Variants in UGT2B7 observed in about 807,000 individuals in gnomAD.
UGT2B7 encodes UDP glucuronosyltransferase family 2 member B7.
Under a neutral mutation model 51.9 loss-of-function variants are expected in UGT2B7, and 51 were observed. The ratio of observed to expected loss-of-function variants is 0.98; its 90% CI spans 0.78 to 1.24. UGT2B7 has a LOEUF of 1.24. UGT2B7 is among the 50% of genes most tolerant of loss of function. The pLI is 0.00. For missense variants in UGT2B7, 727 were observed against 628.4 expected (o/e 1.16, Z -1.68); for synonymous variants, 225 against 211.6 (o/e 1.06, Z -0.55).
intron 1 of UGT2B7, among the ~76,000 whole-genome samples, chr4:69,062,833 C>A (rs1004423313): frequency 1.3e-5 from 2 of 152,100 alleles, no homozygotes; most frequent in East Asian, 3.9e-4. Context: ...TAAATGTGGC[C>A]AGAAATCTTA....
chr4:69,053,985 A>G (rs1446011810), intron 1 of UGT2B7, among the ~76,000 whole-genome samples: 1 of 152,206 alleles, frequency 6.6e-6, no homozygotes, highest in Non-Finnish European at 1.5e-5. Context: ...ATATCTATTT[A>G]GATGCAATTA....
intron 1 of UGT2B7, among the ~76,000 whole-genome samples, chr4:69,077,580 C>CTT (rs150317473): frequency 4.0e-5 from 6 of 150,204 alleles, no homozygotes; most frequent in African/African-American, 1.5e-4. Flanking sequence ...ATTTGGCTCT[C>CTT]TTTTTTTTTA....
At chr4:69,065,239 C>T (rs1718459951) in intron 1 of UGT2B7, among the ~76,000 whole-genome samples, 1 of 152,156 alleles carries the variant, frequency 6.6e-6, no homozygotes, top group South Asian at 2.1e-4. Context: ...AACTCACCCA[C>T]CCTCAGTCTA....
intron 1 of UGT2B7, among the ~76,000 whole-genome samples, chr4:69,083,973 C>A (rs1358293853): frequency 1.3e-5 from 2 of 152,054 alleles, no homozygotes; most frequent in South Asian, 2.1e-4. Flanking sequence ...AGAGACAAAG[C>A]TTTCCAACTT....
At position 69,097,099 on chromosome 4, in the gene UGT2B7, C is replaced by T. The variant is rs543596320; in HGVS notation, c.579C>T (p.Tyr193=). ...HSGGFIFPPS[Y]VPVVMSELTD... is the part of the protein sequence containing the mutation. ...GAGGATTTATTTTCCCTCCTTCCTA[C>T]GTACCTGTTGTTATGTCAGAATTAA... Residue 193 remains tyrosine, a synonymous_variant, in exon 1 of 6, where the codon TAC becomes TAT. Coordinates refer to ENST00000305231, the MANE Select transcript of UGT2B7 (RefSeq NM_001074.4). 7.4e-6 allele frequency: 12 copies of T among 1,613,686 alleles called. No individual in the cohort carries two copies. Among genetic ancestry groups the T allele is most frequent in the African/African-American group, 4.0e-5 (3 of 75,004 alleles).
intron 1 of UGT2B7, among the ~76,000 whole-genome samples, chr4:69,060,060 G>A (rs1434428764): frequency 6.6e-6 from 1 of 152,284 alleles, no homozygotes; most frequent in East Asian, 1.9e-4. Context: ...AGAGGCACAG[G>A]CCTCAGACCT....
intron 1 of UGT2B7, among the ~76,000 whole-genome samples, chr4:69,052,586 A>AG: frequency 8.3e-5 from 4 of 48,224 alleles, no homozygotes; most frequent in Admixed American, 5.8e-4. Context: ...AAAAAAAAAA[A>AG]AAAAAAGAAG....
chr4:69,088,369 A>C (rs1437643154), intron 1 of UGT2B7, among the ~76,000 whole-genome samples: 1 of 151,326 alleles, frequency 6.6e-6, no homozygotes. Flanking sequence ...CTCTCTATTC[A>C]TATGTGCTGT....
chr4:69,091,163 G>T (rs1341935127), intron 2 of UGT2B7, among the ~76,000 whole-genome samples: 1 of 152,122 alleles, frequency 6.6e-6, no homozygotes, highest in Non-Finnish European at 1.5e-5. Context: ...AAGTACTTGT[G>T]TTTTTTCTCT....
chr4:69,109,428 T>C (rs1458619560), intron 5 of UGT2B7, among the ~76,000 whole-genome samples: 1 of 152,142 alleles, frequency 6.6e-6, no homozygotes, highest in Non-Finnish European at 1.5e-5. Flanking sequence ...TACAGCCTTC[T>C]TAGTGGGTGT....
chr4:69,063,916 C>T (rs536514637), intron 1 of UGT2B7, among the ~76,000 whole-genome samples: 17 of 151,834 alleles, frequency 1.1e-4, no homozygotes, highest in Admixed American at 3.3e-4. Flanking sequence ...AGTATCAACC[C>T]GTACCAAACA....
chr4:69,102,643 T>C (rs1719455621), intron 2 of UGT2B7, among the ~76,000 whole-genome samples, 164 bp from the exon 3 acceptor site: 1 of 152,100 alleles, frequency 6.6e-6, no homozygotes, highest in Admixed American at 6.6e-5. Flanking sequence ...ATTATACATC[T>C]ACTTGCAAAA....
chr4:69,055,098 T>TAAAAAAAAAAAAAAAAAAAAAAAAAAAA (rs1178892377), intron 1 of UGT2B7, among the ~76,000 whole-genome samples: 5 of 22,564 alleles, frequency 2.2e-4, no homozygotes, highest in African/African-American at 8.0e-4. Flanking sequence ...AAGTAATAGC[T>TAAAAAAAAAAAAAAAAAAAAAAAAAAAA]AAAAAAAAAA....
intron 5 of UGT2B7, 137 bp from the exon 6 acceptor site, chr4:69,112,320 A>C (rs1254917320): frequency 8.0e-7 from 1 of 1,248,162 alleles, no homozygotes; most frequent in African/African-American, 1.5e-5. Flanking sequence ...TTGCTCACTC[A>C]GGGAGTTCAG....
Position 69,096,518 on chromosome 4 carries a change from AG to A in UGT2B7, c.-1del. 6.2e-7 allele frequency: 1 copy of A among 1,613,898 alleles called. No individual in the cohort carries two copies. The highest frequency in any genetic ancestry group is 8.5e-7 in the Non-Finnish European group (1 of 1,179,794). ...TGGAAAACAAGCATTGCATTGCACCAGGATGTCTGTGAAATGGACTTCAGTA... is the reference window on the plus strand; with the variant it reads ...TGGAAAACAAGCATTGCATTGCACCAGATGTCTGTGAAATGGACTTCAGTA... On this transcript the variant is annotated 5_prime_UTR_variant, in exon 1 of 6. Coordinates refer to ENST00000305231, the MANE Select transcript of UGT2B7 (RefSeq NM_001074.4).
upstream of UGT2B7, chr4:69,096,408 T>C: frequency 6.6e-7 from 1 of 1,526,524 alleles, no homozygotes; most frequent in Non-Finnish European, 8.8e-7. Context: ...TTGTATGTAC[T>C]TTGACTTATA....
At chr4:69,072,044 A>G (rs1432062926) in intron 1 of UGT2B7, among the ~76,000 whole-genome samples, 2 of 152,136 alleles carry the variant, frequency 1.3e-5, no homozygotes, top group Non-Finnish European at 2.9e-5. Context: ...ATGAGCTATC[A>G]AAGAATACTT....
intron 1 of UGT2B7, among the ~76,000 whole-genome samples, chr4:69,073,335 A>G (rs1718639803): frequency 6.6e-6 from 1 of 152,164 alleles, no homozygotes; most frequent in South Asian, 2.1e-4. Context: ...CTGATTAATC[A>G]CTTTTTGGAT....
intron 1 of UGT2B7, among the ~76,000 whole-genome samples, chr4:69,072,788 C>T (rs899136271): frequency 1.3e-5 from 2 of 152,014 alleles, no homozygotes; most frequent in African/African-American, 2.4e-5. Flanking sequence ...TTTACAGGAT[C>T]CTGATTCAGT....
Sources: gnomAD v4.1 joint callset for allele counts (sites outside exome capture counted in the v4.1 genomes callset) on GRCh38, gnomAD v4.1.1 for gene constraint, MANE v1.5 for transcripts, NCBI Gene and HGNC (gene_info 2026-07-23, HGNC 2026-07-21) for gene names.